Variants in COL8A1 observed in about 807,000 individuals in gnomAD.
COL8A1 encodes collagen type VIII alpha 1 chain.
Under a neutral mutation model 42.7 loss-of-function variants are expected in COL8A1, and 21 were observed. The ratio of observed to expected loss-of-function variants is 0.49; its 90% CI spans 0.35 to 0.71. COL8A1 has a LOEUF of 0.71. Among genes scored for constraint, COL8A1 ranks in the 30% least tolerant of loss-of-function variants. The pLI is 0.01. For missense variants in COL8A1, 788 were observed against 962.4 expected (o/e 0.82, Z 2.40); for synonymous variants, 367 against 369.1 (o/e 0.99, Z 0.06).
At chr3:99,767,775 A>C (rs762782824) in intron 2 of COL8A1, among the ~76,000 whole-genome samples, 5 of 152,236 alleles carry the variant, frequency 3.3e-5, no homozygotes, top group Non-Finnish European at 7.3e-5. Context: ...TAGAGGTGTA[A>C]GATATTATAA....
chr3:99,790,246 G>C (rs1178076392), intron 2 of COL8A1, among the ~76,000 whole-genome samples: 2 of 152,222 alleles, frequency 1.3e-5, no homozygotes, highest in Non-Finnish European at 2.9e-5. Flanking sequence ...GAAGGAAGGA[G>C]GAAGGGGAAG....
intron 1 of COL8A1, among the ~76,000 whole-genome samples, chr3:99,735,869 T>C (rs1214540308): frequency 3.3e-5 from 5 of 152,074 alleles, no homozygotes; most frequent in African/African-American, 1.2e-4. Flanking sequence ...TTCTTCCTGG[T>C]TTAGTCTTGG....
intron 1 of COL8A1, among the ~76,000 whole-genome samples, chr3:99,736,969 C>A (rs911621882): frequency 3.3e-5 from 5 of 152,116 alleles, no homozygotes; most frequent in Admixed American, 2.0e-4. Flanking sequence ...TTGAATTGAT[C>A]CCTTTACCAT....
chr3:99,694,494 A>G (rs1321426369), intron 1 of COL8A1, among the ~76,000 whole-genome samples: 1 of 152,132 alleles, frequency 6.6e-6, no homozygotes, highest in African/African-American at 2.4e-5. Flanking sequence ...AAGAAAAGAA[A>G]AAAAGAACTG....
At chr3:99,752,692 G>GC (rs576207278) in intron 2 of COL8A1, among the ~76,000 whole-genome samples, 152 of 135,948 alleles carry the variant, frequency 1.1e-3, no homozygotes, top group African/African-American at 3.8e-3. Flanking sequence ...CCCCCCACAT[G>GC]CCCCCCCACA....
chr3:99,674,707 C>T (rs13082798), intron 1 of COL8A1, among the ~76,000 whole-genome samples: 14,472 of 151,920 alleles, frequency 0.095, 856 homozygotes, highest in Middle Eastern at 0.12. Context: ...AATTGCTTTC[C>T]TCAACAACTG....
intron 1 of COL8A1, among the ~76,000 whole-genome samples, chr3:99,709,597 A>G (rs1047011681): frequency 6.6e-6 from 1 of 152,164 alleles, no homozygotes; most frequent in Non-Finnish European, 1.5e-5. Flanking sequence ...CTTTTTAAAG[A>G]AGGCAATAAA....
Position 99,669,151 on chromosome 3 carries a change from G to GAGAGA in COL8A1, c.-129+30487_-129+30488insAGAGA, listed in dbSNP as rs1559773186. Reference sequence around the variant, plus strand: ...TATATATATATATATATATATAGAGGGAGAGAGAGAGAGAGAGAGAGAGAG... The same window carrying GAGAGA: ...TATATATATATATATATATATAGAGGAGAGAGAGAGAGAGAGAGAGAGAGAGAGAG... On this transcript the variant is annotated intron_variant, in intron 1 of 3. Transcript: ENST00000652472. Among the ~76,000 whole-genome samples, 47 of 114,058 alleles carry GAGAGA rather than the reference G, an allele frequency of 4.1e-4. 1 individual carries two copies. Among genetic ancestry groups the GAGAGA allele is most frequent in the African/African-American group, 1.3e-3 (38 of 29,560 alleles). The allele number at this position is 114,058 out of a possible 152,430, so 74.8% of individuals were successfully genotyped here.
chr3:99,774,002 G>A (rs1436128399), intron 2 of COL8A1, among the ~76,000 whole-genome samples: 6 of 149,316 alleles, frequency 4.0e-5, no homozygotes, highest in Non-Finnish European at 5.9e-5. Context: ...CCACCACCAC[G>A]CCCAGCTAAT....
chr3:99,734,608 G>A (rs1227123132), intron 1 of COL8A1, among the ~76,000 whole-genome samples: 1 of 151,958 alleles, frequency 6.6e-6, no homozygotes, highest in Non-Finnish European at 1.5e-5. Flanking sequence ...TGCTCTTTTG[G>A]CTTAGGATTG....
chr3:99,788,274 G>C (rs996095615), intron 2 of COL8A1, among the ~76,000 whole-genome samples: 1 of 152,174 alleles, frequency 6.6e-6, no homozygotes, highest in African/African-American at 2.4e-5. Context: ...TAAAGAGCTG[G>C]TTTACAGGAC....
At chr3:99,703,347 T>A (rs548069159) in intron 1 of COL8A1, 1 of 152,304 alleles carries the variant, frequency 6.6e-6, no homozygotes, top group African/African-American at 2.4e-5. Flanking sequence ...GACGGTGAAT[T>A]GCAGAGCCAG....
At chr3:99,704,269 A>G (rs1031428052) in intron 1 of COL8A1, among the ~76,000 whole-genome samples, 2 of 152,218 alleles carry the variant, frequency 1.3e-5, no homozygotes, top group Non-Finnish European at 1.5e-5. Flanking sequence ...CAGATAACCA[A>G]GAAACAAATT....
rs75702351 is a variant in COL8A1 at position 99,701,740 on chromosome 3, A to C, written c.-128-43157A>C. On this transcript the variant is annotated intron_variant, in intron 1 of 3. Transcript: ENST00000652472. ...AGAAATCATTAATTTTAGATCTGGA[A>C]GATCATCCTCCATGCATGCCTCACT... Among the ~76,000 whole-genome samples the C allele has an allele frequency of 3.9e-3, 588 of 152,308 alleles. 9 individuals are homozygous for C. Among genetic ancestry groups the C allele is most frequent in the African/African-American group, 0.013 (544 of 41,560 alleles).
chr3:99,713,078 G>C (rs1261049799), intron 1 of COL8A1, among the ~76,000 whole-genome samples: 1 of 152,122 alleles, frequency 6.6e-6, no homozygotes, highest in Non-Finnish European at 1.5e-5. Flanking sequence ...TGTAGTCCTT[G>C]ATTTGTGTCA....
At chr3:99,699,060 C>T (rs1267486643) in intron 1 of COL8A1, among the ~76,000 whole-genome samples, 2 of 152,172 alleles carry the variant, frequency 1.3e-5, no homozygotes, top group Non-Finnish European at 2.9e-5. Context: ...TAGGCTAGCT[C>T]CTGGGTTTCT....
At chr3:99,766,236 G>A (rs1467896945) in intron 2 of COL8A1, among the ~76,000 whole-genome samples, 8 of 152,144 alleles carry the variant, frequency 5.3e-5, no homozygotes, top group Admixed American at 1.3e-4. Flanking sequence ...TTCATGCTAA[G>A]ATATGGCTGT....
intron 1 of COL8A1, among the ~76,000 whole-genome samples, chr3:99,743,038 A>C (rs1237886160): frequency 6.6e-6 from 1 of 152,214 alleles, no homozygotes; most frequent in African/African-American, 2.4e-5. Context: ...TGCTCAATAA[A>C]TATTTATTGA....
intron 1 of COL8A1, among the ~76,000 whole-genome samples, chr3:99,724,304 C>T (rs1004229475): frequency 6.6e-6 from 1 of 152,096 alleles, no homozygotes; most frequent in African/African-American, 2.4e-5. Context: ...GCCCAATCAG[C>T]AGCTAGAAAA....
Sources: allele counts gnomAD v4.1 joint callset (sites outside exome capture counted in the v4.1 genomes callset), GRCh38; gene constraint gnomAD v4.1.1; transcripts MANE v1.5; gene names NCBI Gene and HGNC (gene_info 2026-07-23, HGNC 2026-07-21).